BAG2: variants seen among roughly 807,000 people sequenced by gnomAD.
BAG2 encodes BAG cochaperone 2, also known as BAG family molecular chaperone regulator 2.
BAG2 carries 8 observed loss-of-function variants against 16.4 expected under a neutral mutation model. The ratio of observed to expected loss-of-function variants is 0.49; its 90% confidence interval spans 0.29 to 0.88. BAG2 has a LOEUF of 0.88. Among genes scored for constraint, BAG2 ranks in the 40% least tolerant of loss-of-function variants. The pLI, the probability that BAG2 is intolerant of heterozygous loss-of-function variation, is 0.09. For missense variants in BAG2, 218 were observed against 248.9 expected (o/e 0.88, Z 0.84); for synonymous variants, 82 against 89.2 (o/e 0.92, Z 0.46).
chr6:57,182,051 G>A lies in BAG2; in HGVS notation c.133G>A (p.Ala45Thr), dbSNP rs1327864206. ...CTATAGGGTTGAAGCTTTGAGAGAAGCAGCAACTGCTGTTGAGCAAGAGAA... is the reference window on the plus strand; with the variant it reads ...CTATAGGGTTGAAGCTTTGAGAGAAACAGCAACTGCTGTTGAGCAAGAGAA... ...LELRVEALRE[A>T]ATAVEQEKEI... The change falls in exon 2 of 3, where the codon GCA (alanine) becomes ACA (threonine). Residue 45 changes from alanine (A) to threonine (T), a missense_variant. Physicochemically the swap from Ala to Thr is moderately conservative, Grantham distance 58. This residue lies in a region of BAG2 where 75 missense variants were observed against 63.1 expected (regional missense o/e 1.19). Coordinates refer to ENST00000370693, the MANE Select transcript of BAG2 (RefSeq NM_004282.4). 6.2e-7 allele frequency: 1 copy of A among 1,614,050 alleles called. No individual in the cohort carries two copies.
rs1387730909 is a variant in BAG2, at chr6:57,189,632, A to G, written c.*5442A>G. On this transcript the variant is annotated 3_prime_UTR_variant, in exon 3 of 3. Coordinates refer to ENST00000370693, the MANE Select transcript of BAG2 (RefSeq NM_004282.4). ...GAGATGCTCTAGCATTCAAATTCCTATACTCCTCTTTTATCTACGCTGTCA... is the reference window on the plus strand; with the variant it reads ...GAGATGCTCTAGCATTCAAATTCCTGTACTCCTCTTTTATCTACGCTGTCA... 6.6e-6 allele frequency: 1 copy of G among 152,580 alleles called. No homozygotes were observed. The highest frequency in any genetic ancestry group is 2.4e-5 in the African/African-American group (1 of 41,424). The allele number at this position is 152,580 out of a possible 1,614,324, so 9.5% of individuals were successfully genotyped here.
Position 57,189,426 on chromosome 6 carries a change from G to A in BAG2, c.*5236G>A, listed in dbSNP as rs1764745456. ...GTTAGTGTAATCTTGTAAGTTCAAA[G>A]CTGGGTTCTCAGTGAGCAGCAAAAG... On this transcript the variant is annotated 3_prime_UTR_variant, in exon 3 of 3. Transcript: ENST00000370693. 1 of 152,154 alleles carries A rather than the reference G, an allele frequency of 6.6e-6. No homozygotes were observed. The highest frequency in any genetic ancestry group is 2.4e-5 in the African/African-American group (1 of 41,436). 9.4% of individuals were successfully genotyped at this position (152,154 alleles called of 1,614,324 possible). A position where few individuals can be genotyped will look rare whatever the true frequency, so the allele number is the denominator to read the frequency against.
In BAG2 at chr6:57,188,409, A is replaced by AACT. The variant is rs1491474257; in HGVS notation, c.*4221_*4223dup. ...CATAAAATTATATTACAGGAACTGT[A>AACT]ACTATCCTCAGAGATTACTTTTTTT... On this transcript the variant is annotated 3_prime_UTR_variant, in exon 3 of 3. Transcript: ENST00000370693. The AACT allele has an allele frequency of 6.6e-6, 1 of 152,216 alleles. No homozygotes were observed. The highest frequency in any genetic ancestry group is 2.4e-5 in the African/African-American group (1 of 41,474). The allele number at this position is 152,216 out of a possible 1,614,324, so 9.4% of individuals were successfully genotyped here. A position where few individuals can be genotyped will look rare whatever the true frequency, so the allele number is the denominator to read the frequency against.
At chr6:57,182,644 G>A (rs1231791436) in intron 2 of BAG2, among the ~76,000 whole-genome samples, 2 of 151,762 alleles carry the variant, frequency 1.3e-5, no homozygotes, top group African/African-American at 2.4e-5. Flanking sequence ...GTAAAAATGT[G>A]CTGTCATTTT....
intron 1 of BAG2, among the ~76,000 whole-genome samples, chr6:57,179,780 T>C (rs553630729): frequency 6.6e-6 from 1 of 152,068 alleles, no homozygotes; most frequent in Non-Finnish European, 1.5e-5. Flanking sequence ...GGTATATTCA[T>C]GTGTGTGTAT....
chr6:57,183,763 CAT>C lies in BAG2; in HGVS notation c.224-12_224-11del. 6.5e-7 allele frequency: 1 copy of C among 1,537,088 alleles called. No homozygotes were observed. The highest frequency in any genetic ancestry group is 8.8e-7 in the Non-Finnish European group (1 of 1,142,776). ...TTTTGACACAGATAAGTTTACATCT[CAT>C]ATTGATTTTTAGGAGAAAGAGAAGA... On this transcript the variant is annotated splice_polypyrimidine_tract_variant and intron_variant, in intron 2 of 2. Coordinates refer to ENST00000370693, the MANE Select transcript of BAG2 (RefSeq NM_004282.4).
Position 57,175,669 on chromosome 6 carries a change from C to A in BAG2, c.113+2859C>A, listed in dbSNP as rs1235267832. Among the ~76,000 whole-genome samples, 3 of 152,178 alleles carry A rather than the reference C, an allele frequency of 2.0e-5. No individual in the cohort carries two copies. The East Asian group carries it at 5.8e-4, about 29-fold the overall frequency. ...TCATGCTTATATAAAAGAAGCAAGC[C>A]TCCATAAGAACCCAAAAAGGACAGG... On this transcript the variant is annotated intron_variant, in intron 1 of 2. Coordinates refer to ENST00000370693, the MANE Select transcript of BAG2 (RefSeq NM_004282.4).
chr6:57,184,197 AACCTAAGAGCATTTACACAAT>A lies in BAG2; in HGVS notation c.*10_*30del. On this transcript the variant is annotated 3_prime_UTR_variant, in exon 3 of 3. Transcript: ENST00000370693. ...TGAAAGCAGATTCAATTAGTCTTCA[AACCTAAGAGCATTTACACAAT>A]ACACAAGGTGTAAAAATGATAAAAT... 1 of 1,530,840 alleles carries A rather than the reference AACCTAAGAGCATTTACACAAT, an allele frequency of 6.5e-7. No individual in the cohort carries two copies. Among genetic ancestry groups the A allele is most frequent in the Non-Finnish European group, 8.7e-7 (1 of 1,148,364 alleles). The allele number at this position is 1,530,840 out of a possible 1,614,324, so 94.8% of individuals were successfully genotyped here.
Position 57,172,471 on chromosome 6 carries a change from C to A in BAG2, c.-227C>A, listed in dbSNP as rs1593186869. ...GAACCTCTAACTCCAGCCGCTGCAGCCCCCTCCCAGGCCCGGCGTCCCCGA... is the reference window on the plus strand; with the variant it reads ...GAACCTCTAACTCCAGCCGCTGCAGACCCCTCCCAGGCCCGGCGTCCCCGA... On this transcript the variant is annotated 5_prime_UTR_variant, in exon 1 of 3. Transcript: ENST00000370693. 7.7e-5 allele frequency: 29 copies of A among 374,582 alleles called. 1 individual carries two copies. In the East Asian group the frequency reaches 1.3e-3, roughly 17 times the overall value. 23.2% of individuals were successfully genotyped at this position (374,582 alleles called of 1,614,324 possible).
chr6:57,183,777 G>C lies in BAG2; in HGVS notation c.224-1G>C, dbSNP rs764733157. ...AGTTTACATCTCATATTGATTTTTA[G>C]GAGAAAGAGAAGAATTAAATCTGAC... On this transcript the variant is annotated splice_acceptor_variant, in intron 2 of 2. Transcript: ENST00000370693. LOFTEE classifies it high-confidence loss of function. 1 of 1,551,360 alleles carries C rather than the reference G, an allele frequency of 6.4e-7. No homozygotes were observed. The highest frequency in any genetic ancestry group is 8.7e-7 in the Non-Finnish European group (1 of 1,150,204).
chr6:57,176,169 C>T (rs556969481), intron 1 of BAG2, among the ~76,000 whole-genome samples: 7 of 152,252 alleles, frequency 4.6e-5, no homozygotes, highest in South Asian at 2.1e-4. Context: ...TTAATGTACA[C>T]GGACTATGTG....
At chr6:57,183,192 A>G (rs1322861923) in intron 2 of BAG2, among the ~76,000 whole-genome samples, 1 of 152,218 alleles carries the variant, frequency 6.6e-6, no homozygotes, top group Non-Finnish European at 1.5e-5. Context: ...TTAGGAAGTT[A>G]CAGAAGCAGG....
chr6:57,181,967 TAAAG>T (rs1401104097), intron 1 of BAG2, 61 bp from the exon 2 acceptor site: 17 of 1,375,708 alleles, frequency 1.2e-5, no homozygotes, highest in Admixed American at 1.9e-5. Flanking sequence ...GAATGAGAGA[TAAAG>T]AAAATTAATA....
intron 1 of BAG2, among the ~76,000 whole-genome samples, chr6:57,179,727 C>G (rs554971099): frequency 2.0e-5 from 3 of 152,166 alleles, no homozygotes; most frequent in Admixed American, 2.0e-4. Context: ...ATATATATTT[C>G]TTTATTTTGC....
intron 1 of BAG2, among the ~76,000 whole-genome samples, chr6:57,177,606 A>G (rs1055852096): frequency 1.3e-5 from 2 of 152,140 alleles, no homozygotes; most frequent in Non-Finnish European, 2.9e-5. Flanking sequence ...CATTATACAT[A>G]TTAACTTGTG....
chr6:57,180,190 T>C (rs1764396938), intron 1 of BAG2, among the ~76,000 whole-genome samples: 1 of 152,150 alleles, frequency 6.6e-6, no homozygotes, highest in Admixed American at 6.5e-5. Flanking sequence ...CCACGAAGAC[T>C]ACTATGAAGA....
intron 1 of BAG2, among the ~76,000 whole-genome samples, chr6:57,178,760 T>A (rs1375553087): frequency 6.7e-6 from 1 of 148,936 alleles, no homozygotes; most frequent in Non-Finnish European, 1.5e-5. Context: ...ATTTCTATTA[T>A]GTATTAAAAA....
intron 2 of BAG2, among the ~76,000 whole-genome samples, chr6:57,183,280 C>T (rs1764522877): frequency 6.6e-6 from 1 of 152,184 alleles, no homozygotes. Context: ...GACCACTGTC[C>T]TGCTTCTATC....
chr6:57,172,385 G>A lies in BAG2; in HGVS notation c.-313G>A. 1 of 193,774 alleles carries A rather than the reference G, an allele frequency of 5.2e-6. No individual in the cohort carries two copies. Among genetic ancestry groups the A allele is most frequent in the Non-Finnish European group, 1.0e-5 (1 of 95,766 alleles). 12.0% of individuals were successfully genotyped at this position (193,774 alleles called of 1,614,324 possible). A position where few individuals can be genotyped will look rare whatever the true frequency, so the allele number is the denominator to read the frequency against. Reference sequence around the variant, plus strand: ...CTGCGTCCGCCCCTCCCGTGCCTCAGAGACTTGCGCTCCCCAGGCCCGAGC... The same window carrying A: ...CTGCGTCCGCCCCTCCCGTGCCTCAAAGACTTGCGCTCCCCAGGCCCGAGC... On this transcript the variant is annotated 5_prime_UTR_variant, in exon 1 of 3. Coordinates refer to ENST00000370693, the MANE Select transcript of BAG2 (RefSeq NM_004282.4).
Sources: gnomAD v4.1 joint callset for allele counts (sites outside exome capture counted in the v4.1 genomes callset) on GRCh38, gnomAD v4.1.1 for gene constraint, gnomAD v4.1.1 regional missense constraint, MANE v1.5 for transcripts, NCBI Gene and HGNC (gene_info 2026-07-23, HGNC 2026-07-21) for gene names.